The following NAV3 variants were observed in gnomAD, a reference collection of about 807,000 sequenced individuals.
NAV3 encodes the protein neuron navigator 3.
Under a neutral mutation model 244.7 loss-of-function variants are expected in NAV3, and 87 were observed. The ratio of observed to expected loss-of-function variants is 0.36; its 90% CI spans 0.30 to 0.42. The LOEUF (loss-of-function observed/expected upper bound fraction) is 0.42, where lower values mean the gene tolerates loss of function less well. Among genes scored for constraint, NAV3 ranks in the 20% least tolerant of loss-of-function variants. The pLI, the probability that NAV3 is intolerant of heterozygous loss-of-function variation, is 1.00. For missense variants in NAV3, 2,663 were observed against 2,893.3 expected (o/e 0.92, Z 1.83); for synonymous variants, 1,126 against 1,042.2 (o/e 1.08, Z -1.55).
chr12:77,722,608 G>A (rs1268841035), intron 2 of NAV3, among the ~76,000 whole-genome samples: 1 of 152,022 alleles, frequency 6.6e-6, no homozygotes, highest in Non-Finnish European at 1.5e-5. Flanking sequence ...TCTACAGTCT[G>A]GGAGAAATTT....
chr12:78,191,494 G>GTATA (rs1467104471), intron 34 of NAV3, among the ~76,000 whole-genome samples: 4 of 152,092 alleles, frequency 2.6e-5, no homozygotes, highest in Admixed American at 6.6e-5. Context: ...CGTTTTATAT[G>GTATA]TGTCCTTCAA....
chr12:78,050,127 G>A (rs2137230356), intron 10 of NAV3, 26 bp downstream of exon 10: 2 of 1,490,986 alleles, frequency 1.3e-6, no homozygotes, highest in Non-Finnish European at 1.8e-6. Context: ...GCATATATTT[G>A]AGCCAATAAA....
chr12:77,734,382 C>T (rs796933456), intron 2 of NAV3, among the ~76,000 whole-genome samples: 3 of 151,888 alleles, frequency 2.0e-5, no homozygotes, highest in African/African-American at 7.2e-5. Flanking sequence ...TTTCTAATTT[C>T]CAGGTTCTGT....
At chr12:77,711,170 A>T (rs2137251055) in intron 2 of NAV3, among the ~76,000 whole-genome samples, 1 of 152,302 alleles carries the variant, frequency 6.6e-6, no homozygotes, top group African/African-American at 2.4e-5. Flanking sequence ...TATCAGACCC[A>T]CTTAGATTTT....
At chr12:77,579,994 T>C (rs1162942098) in intron 2 of NAV3, among the ~76,000 whole-genome samples, 2 of 152,110 alleles carry the variant, frequency 1.3e-5, no homozygotes, top group African/African-American at 4.8e-5. Flanking sequence ...GCTAAGGAGT[T>C]GGTTGTGTTC....
At chr12:78,044,227 G>T (rs892078890) in intron 9 of NAV3, among the ~76,000 whole-genome samples, 2 of 152,134 alleles carry the variant, frequency 1.3e-5, no homozygotes, top group African/African-American at 4.8e-5. Context: ...GTTTGTCAAA[G>T]ATCAGATGAT....
intron 1 of NAV3, among the ~76,000 whole-genome samples, chr12:77,845,614 T>C (rs1236885603): frequency 6.6e-6 from 1 of 152,034 alleles, no homozygotes; most frequent in East Asian, 1.9e-4. Flanking sequence ...AGGTTTTCTA[T>C]TTTTTCATAT....
chr12:77,865,768 T>C (rs975164229), intron 1 of NAV3, among the ~76,000 whole-genome samples: 1 of 141,648 alleles, frequency 7.1e-6, no homozygotes, highest in Non-Finnish European at 1.5e-5. Context: ...ACACATATAC[T>C]ACATATATAT....
intron 1 of NAV3, among the ~76,000 whole-genome samples, chr12:77,910,684 G>A (rs1177113271): frequency 6.6e-6 from 1 of 152,062 alleles, no homozygotes; most frequent in Non-Finnish European, 1.5e-5. Flanking sequence ...CCTAAGATTG[G>A]TGACAAAGAA....
intron 5 of NAV3, among the ~76,000 whole-genome samples, chr12:77,983,787 T>A (rs1869985955): frequency 6.6e-6 from 1 of 152,222 alleles, no homozygotes; most frequent in African/African-American, 2.4e-5. Flanking sequence ...TGAGTTATGG[T>A]AACTTTTTGC....
intron 3 of NAV3, among the ~76,000 whole-genome samples, chr12:77,961,033 CATATATGT>C (rs1440637487): frequency 2.0e-4 from 26 of 129,788 alleles, no homozygotes; most frequent in African/African-American, 5.2e-4. Context: ...CATGTATACG[CATATATGT>C]ATATATGTAT....
chr12:77,737,461 T>A (rs1327751476), intron 2 of NAV3, among the ~76,000 whole-genome samples: 1 of 151,824 alleles, frequency 6.6e-6, no homozygotes, highest in Non-Finnish European at 1.5e-5. Context: ...GCTGCTTTAC[T>A]TTTTTCTTCC....
At chr12:77,866,308 G>A (rs1342985510) in intron 1 of NAV3, among the ~76,000 whole-genome samples, 1 of 152,180 alleles carries the variant, frequency 6.6e-6, no homozygotes, top group African/African-American at 2.4e-5. Flanking sequence ...TAATTTGAAT[G>A]AGTTTGAAAG....
At chr12:77,896,417 T>C (rs1884636949) in intron 1 of NAV3, among the ~76,000 whole-genome samples, 1 of 152,172 alleles carries the variant, frequency 6.6e-6, no homozygotes, top group South Asian at 2.1e-4. Flanking sequence ...GACTTTGTCT[T>C]AGGTACTAGA....
rs750808809 is a variant in NAV3 at position 78,051,125 on chromosome 12, A to G, written c.2494A>G (p.Arg832Gly). The G allele has an allele frequency of 1.2e-6, 2 of 1,608,846 alleles. No homozygotes were observed. Among genetic ancestry groups the G allele is most frequent in the Non-Finnish European group, 8.5e-7 (1 of 1,175,702 alleles). ...SDGDILGKSL[R>G]TDDINSGYMT... is the part of the protein sequence containing the mutation. Reference sequence around the variant, plus strand: ...TGGTGATATCCTTGGGAAAAGTCTCAGGACTGATGACATCAACAGTGGGTA... The same window carrying G: ...TGGTGATATCCTTGGGAAAAGTCTCGGGACTGATGACATCAACAGTGGGTA... The change falls in exon 11 of 40, where the codon AGG (arginine) becomes GGG (glycine). Residue 832 changes from arginine (R) to glycine (G), a missense_variant. Arg to Gly is a moderately radical substitution (Grantham distance 125). Around this residue, in one of 6 missense-constraint regions of NAV3, gnomAD observed 1,521 missense variants for 1,497.0 expected, o/e 1.02. Transcript: ENST00000397909.
chr12:77,912,732 G>T (rs1367529515), intron 1 of NAV3, among the ~76,000 whole-genome samples: 1 of 152,034 alleles, frequency 6.6e-6, no homozygotes, highest in Non-Finnish European at 1.5e-5. Flanking sequence ...CCGGGTTCAA[G>T]CATTTCTCCT....
intron 32 of NAV3, 69 bp downstream of exon 32, chr12:78,188,412 C>A (rs1958822789): frequency 1.5e-6 from 2 of 1,349,830 alleles, no homozygotes; most frequent in Non-Finnish European, 2.1e-6. Flanking sequence ...TCCATAACTT[C>A]AATAGCAGAG....
At chr12:77,898,489 T>C (rs1056351179) in intron 1 of NAV3, among the ~76,000 whole-genome samples, 2 of 152,150 alleles carry the variant, frequency 1.3e-5, no homozygotes, top group Non-Finnish European at 2.9e-5. Flanking sequence ...TTTAAGTAAA[T>C]AATTGAAAGA....
Position 77,972,987 on chromosome 12 carries a change from A to G in NAV3, c.671+4285A>G, listed in dbSNP as rs1253555121. On this transcript the variant is annotated intron_variant, in intron 5 of 39. Coordinates refer to ENST00000397909, the MANE Select transcript of NAV3 (RefSeq NM_001024383.2). ...CTAAGAATACCTGGAAAAACATTAC[A>G]GTAAAAAAAAAATAAAATGAAACTT... Among the ~76,000 whole-genome samples, 8 of 152,258 alleles carry G rather than the reference A, an allele frequency of 5.3e-5. No homozygotes were observed. In the East Asian group the frequency reaches 1.5e-3, roughly 29 times the overall value.
Sources: gnomAD v4.1 joint callset for allele counts (sites outside exome capture counted in the v4.1 genomes callset) on GRCh38, gnomAD v4.1.1 for gene constraint, gnomAD v4.1.1 regional missense constraint, MANE v1.5 for transcripts, NCBI Gene and HGNC (gene_info 2026-07-23, HGNC 2026-07-21) for gene names.